The following CYB5R4 variants were observed in gnomAD, a reference collection of about 807,000 sequenced individuals.
CYB5R4 encodes N-terminal cytochrome b5 and cytochrome b5 oxidoreductase domain-containing protein.
A neutral mutation model predicts 70.2 loss-of-function variants in CYB5R4; 55 were observed. That is an observed-to-expected ratio of 0.78 (90% CI 0.63 to 0.98). The LOEUF is 0.98. CYB5R4 is among the 50% of genes least tolerant of loss of function. CYB5R4 has a pLI of 0.00. For missense variants in CYB5R4, 562 were observed against 612.6 expected, an observed-to-expected ratio of 0.92 and a Z score of 0.87; for synonymous variants, 197 against 199.5, an observed-to-expected ratio of 0.99 and a Z score of 0.11.
rs532562679 is a variant in CYB5R4, at chr6:83,924,893, G to T, written c.814+301G>T. ...CATTTTCTCTTTCAGGTCCCCTTTT[G>T]TGAAAGATACAAAAACAAGTTTAAG... On this transcript the variant is annotated intron_variant, in intron 10 of 15. Coordinates refer to ENST00000369681, the MANE Select transcript of CYB5R4 (RefSeq NM_016230.4). 2.0e-5 allele frequency among the ~76,000 whole-genome samples: 3 copies of T among 152,216 alleles called. No individual in the cohort carries two copies. In the South Asian group the frequency reaches 6.2e-4, roughly 32 times the overall value.
intron 2 of CYB5R4, among the ~76,000 whole-genome samples, chr6:83,892,487 G>A (rs1283564172): frequency 2.0e-5 from 3 of 152,088 alleles, no homozygotes; most frequent in African/African-American, 7.2e-5. Context: ...GATTTGTCTG[G>A]TATCTATCTA....
At chr6:83,866,171 G>T (rs1393586367) in intron 2 of CYB5R4, among the ~76,000 whole-genome samples, 3 of 152,286 alleles carry the variant, frequency 2.0e-5, no homozygotes, top group African/African-American at 7.2e-5. Context: ...TAGAAAACTT[G>T]ATTATGTGAA....
At chr6:83,886,332 C>G (rs2099460245) in intron 2 of CYB5R4, among the ~76,000 whole-genome samples, 1 of 152,170 alleles carries the variant, frequency 6.6e-6, no homozygotes, top group Non-Finnish European at 1.5e-5. Flanking sequence ...TATATTTCCA[C>G]ATGAACTTTA....
chr6:83,949,293 C>T (rs562623062), intron 14 of CYB5R4, among the ~76,000 whole-genome samples: 2 of 152,134 alleles, frequency 1.3e-5, no homozygotes, highest in East Asian at 3.9e-4. Flanking sequence ...TAGTACTATT[C>T]AGCCAAAACA....
At position 83,961,400 on chromosome 6, in the gene CYB5R4, C is replaced by T. The variant is rs1207864856; in HGVS notation, c.*1522C>T. The T allele has an allele frequency of 6.6e-6, 1 of 151,534 alleles. No homozygotes were observed. Among genetic ancestry groups the T allele is most frequent in the African/African-American group, 2.4e-5 (1 of 41,200 alleles). The allele number at this position is 151,534 out of a possible 1,614,324, so 9.4% of individuals were successfully genotyped here. A position where few individuals can be genotyped will look rare whatever the true frequency, so the allele number is the denominator to read the frequency against. On this transcript the variant is annotated 3_prime_UTR_variant, in exon 16 of 16. Coordinates refer to ENST00000369681, the MANE Select transcript of CYB5R4 (RefSeq NM_016230.4). ...CTCTCAAATTGTAATTCCCACATGT[C>T]GAGGGAGGGTCTTGGTGGGAGGTGA... is the stretch of plus-strand genomic sequence containing the variant.
chr6:83,914,657 T>C (rs2099465209), intron 5 of CYB5R4, among the ~76,000 whole-genome samples: 1 of 151,916 alleles, frequency 6.6e-6, no homozygotes, highest in Non-Finnish European at 1.5e-5. Flanking sequence ...CCTGCCTCGG[T>C]GTCCTGAGTA....
intron 14 of CYB5R4, among the ~76,000 whole-genome samples, chr6:83,942,517 C>T (rs566676882): frequency 6.6e-6 from 1 of 152,306 alleles, no homozygotes; most frequent in East Asian, 1.9e-4. Context: ...CCCTGGGTTT[C>T]AAGCACAAAC....
intron 9 of CYB5R4, among the ~76,000 whole-genome samples, chr6:83,923,814 C>T (rs2099466815): frequency 1.3e-5 from 2 of 151,434 alleles, no homozygotes; most frequent in African/African-American, 2.4e-5. Context: ...GGAATGTTAA[C>T]GAAACAAATT....
In CYB5R4 at chr6:83,893,912, C is replaced by T. The variant is rs565790070; in HGVS notation, c.330+290C>T. On this transcript the variant is annotated intron_variant, in intron 3 of 15. Coordinates refer to ENST00000369681, the MANE Select transcript of CYB5R4 (RefSeq NM_016230.4). ...AGTCTTGATTAGTTTTGATAATGAT[C>T]GGCTTATGGGAGGTAGTGACAATTG... Among the ~76,000 whole-genome samples, 4 of 152,166 alleles carry T rather than the reference C, an allele frequency of 2.6e-5. No individual in the cohort carries two copies. The South Asian group carries it at 6.2e-4, about 24-fold the overall frequency.
intron 10 of CYB5R4, among the ~76,000 whole-genome samples, chr6:83,931,004 G>A (rs2099468056): frequency 6.6e-6 from 1 of 152,168 alleles, no homozygotes; most frequent in Admixed American, 6.5e-5. Flanking sequence ...GCTTAAGAGA[G>A]TATTCTGGCT....
At chr6:83,946,596 A>C (rs1020318797) in intron 14 of CYB5R4, among the ~76,000 whole-genome samples, 1 of 152,194 alleles carries the variant, frequency 6.6e-6, no homozygotes, top group Non-Finnish European at 1.5e-5. Context: ...GAAAGAAAGA[A>C]AGGGTATTCA....
At chr6:83,945,717 C>A (rs1411007958) in intron 14 of CYB5R4, among the ~76,000 whole-genome samples, 3 of 151,812 alleles carry the variant, frequency 2.0e-5, no homozygotes, top group Non-Finnish European at 4.4e-5. Context: ...CAAATAGATA[C>A]AATAAAAAAT....
rs369778897 is a variant in CYB5R4 at position 83,959,853 on chromosome 6, A to T, written c.1541A>T (p.Asn514Ile). ...RLLHDLNFSKNEIHSFTA is the reference protein window; with the variant it reads ...RLLHDLNFSKIEIHSFTA ...CTGCATGATCTCAACTTTTCCAAAA[A>T]TGAGATCCATAGTTTTACAGCATAA... The change falls in exon 16 of 16, where the codon AAT becomes ATT. Residue 514 changes from asparagine (N) to isoleucine (I), a missense_variant. Transcript: ENST00000369681. 1 of 1,601,254 alleles carries T rather than the reference A, an allele frequency of 6.2e-7. No homozygotes were observed. Among genetic ancestry groups the T allele is most frequent in the Non-Finnish European group, 8.5e-7 (1 of 1,174,650 alleles).
intron 5 of CYB5R4, among the ~76,000 whole-genome samples, chr6:83,914,780 C>T (rs1364519640): frequency 1.3e-5 from 2 of 151,668 alleles, no homozygotes; most frequent in Admixed American, 1.3e-4. Flanking sequence ...CGTGATCTGC[C>T]CACCTCGGCC....
chr6:83,874,898 C>G (rs868178535), intron 2 of CYB5R4, among the ~76,000 whole-genome samples: 1 of 151,960 alleles, frequency 6.6e-6, no homozygotes, highest in South Asian at 2.1e-4. Flanking sequence ...TCTTGGCTCA[C>G]TGCAACCTCC....
chr6:83,897,438 G>C (rs1002322436), intron 3 of CYB5R4, among the ~76,000 whole-genome samples: 1 of 152,164 alleles, frequency 6.6e-6, no homozygotes, highest in African/African-American at 2.4e-5. Context: ...GGGTCAAATG[G>C]TAATTCTAGT....
intron 2 of CYB5R4, among the ~76,000 whole-genome samples, chr6:83,882,319 A>G (rs1345758218): frequency 2.0e-5 from 3 of 152,160 alleles, no homozygotes; most frequent in African/African-American, 4.8e-5. Context: ...GAAGGGGAGA[A>G]GATCCAGAAA....
intron 15 of CYB5R4, among the ~76,000 whole-genome samples, chr6:83,959,151 TAAAG>T (rs2099472908): frequency 6.6e-6 from 1 of 152,048 alleles, no homozygotes; most frequent in South Asian, 2.1e-4. Flanking sequence ...GATTAATGAA[TAAAG>T]AATGATAGAA....
chr6:83,874,694 T>C (rs563438756), intron 2 of CYB5R4, among the ~76,000 whole-genome samples: 2 of 152,162 alleles, frequency 1.3e-5, no homozygotes, highest in Non-Finnish European at 2.9e-5. Context: ...AAAACCTGAC[T>C]CTGACCCTCC....
Sources: gnomAD v4.1 joint callset for allele counts (sites outside exome capture counted in the v4.1 genomes callset) on GRCh38, gnomAD v4.1.1 for gene constraint, MANE v1.5 for transcripts, NCBI Gene and HGNC (gene_info 2026-07-23, HGNC 2026-07-21) for gene names.